The following CCDC171 variants were observed in gnomAD, a reference collection of about 807,000 sequenced individuals.
CCDC171 encodes coiled-coil domain-containing protein 171.
A neutral mutation model predicts 168.2 loss-of-function variants in CCDC171; 177 were observed. The observed-to-expected ratio is 1.05, with a 90% CI of 0.93 to 1.19. The LOEUF (loss-of-function observed/expected upper bound fraction) is 1.19. Among genes scored for constraint, CCDC171 ranks in the 50% most tolerant of loss-of-function variants. The pLI, the probability that CCDC171 is intolerant of heterozygous loss-of-function variation, is 0.00. For synonymous variants in CCDC171, 687 were observed against 540.8 expected, an observed-to-expected ratio of 1.27 and a Z score of -3.75; for missense variants, 1,991 against 1,539.0, an observed-to-expected ratio of 1.29 and a Z score of -4.91.
At chr9:15,825,991 C>G (rs1588708283) in intron 21 of CCDC171, among the ~76,000 whole-genome samples, 1 of 152,036 alleles carries the variant, frequency 6.6e-6, no homozygotes, top group South Asian at 2.1e-4. Flanking sequence ...TCTGGAACAT[C>G]TGTTAGTCTG....
intron 25 of CCDC171, among the ~76,000 whole-genome samples, chr9:15,945,423 T>C (rs1327024908): frequency 4.0e-5 from 6 of 151,180 alleles, no homozygotes; most frequent in African/African-American, 1.4e-4. Flanking sequence ...TCAGATGGTA[T>C]TTCTAGTTCT....
intron 4 of CCDC171, among the ~76,000 whole-genome samples, chr9:15,590,289 C>A (rs1272109318): frequency 6.6e-6 from 1 of 152,106 alleles, no homozygotes; most frequent in Non-Finnish European, 1.5e-5. Context: ...ATTCAAAATG[C>A]AAAGAAATAT....
chr9:16,083,460 GA>G, the CCDC171 span, among the ~76,000 whole-genome samples: 3 of 152,226 alleles, frequency 2.0e-5, no homozygotes, highest in African/African-American at 7.2e-5. Context: ...ATTTCCTCTT[GA>G]AATTGTCAAG....
intron 7 of CCDC171, among the ~76,000 whole-genome samples, chr9:15,639,055 A>G (rs974110355): frequency 6.6e-6 from 1 of 152,118 alleles, no homozygotes; most frequent in Non-Finnish European, 1.5e-5. Context: ...TCTATATTAT[A>G]GTAACATAAA....
intron 7 of CCDC171, among the ~76,000 whole-genome samples, chr9:15,647,998 A>G (rs552204409): frequency 3.9e-5 from 6 of 152,336 alleles, no homozygotes; most frequent in Non-Finnish European, 8.8e-5. Context: ...AAAATCCTCA[A>G]TAAAATACTG....
At chr9:15,700,308 G>A (rs886153870) in intron 11 of CCDC171, among the ~76,000 whole-genome samples, 1 of 152,256 alleles carries the variant, frequency 6.6e-6, no homozygotes, top group Non-Finnish European at 1.5e-5. Context: ...ATTGCCCGGG[G>A]CTGGCAGGGC....
chr9:15,747,758 A>T (rs1219551186), intron 18 of CCDC171, among the ~76,000 whole-genome samples: 1 of 152,222 alleles, frequency 6.6e-6, no homozygotes, highest in African/African-American at 2.4e-5. Context: ...CCAACATCAA[A>T]GACCAAAGAT....
Position 15,631,655 on chromosome 9 carries a change from C to G in CCDC171, c.822+8242C>G, listed in dbSNP as rs899401720. The stretch of plus-strand genomic sequence containing the variant: ...AGTCAATAGAAAAAGAGGGAATCCT[C>G]CCTAACTCATTTTATGAGGCCAGCA... On this transcript the variant is annotated intron_variant, in intron 7 of 25. Transcript: ENST00000380701. Among the ~76,000 whole-genome samples, 35 of 152,180 alleles carry G rather than the reference C, an allele frequency of 2.3e-4. 1 individual carries two copies. Among genetic ancestry groups the G allele is most frequent in the Admixed American group, 5.2e-4 (8 of 15,272 alleles).
At chr9:15,953,177 T>A (rs1242929779) in intron 25 of CCDC171, among the ~76,000 whole-genome samples, 1 of 152,212 alleles carries the variant, frequency 6.6e-6, no homozygotes, top group African/African-American at 2.4e-5. Context: ...TTTCTTTTTC[T>A]TGCCTAATTT....
intron 21 of CCDC171, among the ~76,000 whole-genome samples, chr9:15,822,986 A>C (rs201764171): frequency 1.4e-4 from 22 of 152,146 alleles, no homozygotes; most frequent in South Asian, 8.3e-4. Context: ...ACATATACAC[A>C]ATGGAATACT....
At chr9:15,708,534 A>G (rs2052418862) in intron 11 of CCDC171, among the ~76,000 whole-genome samples, 4 of 152,190 alleles carry the variant, frequency 2.6e-5, no homozygotes, top group Admixed American at 2.6e-4. Flanking sequence ...TTCTGAGGCA[A>G]TAAGAGTATT....
At chr9:15,740,069 ATCT>A (rs1394291751) in intron 16 of CCDC171, among the ~76,000 whole-genome samples, 18 of 151,992 alleles carry the variant, frequency 1.2e-4, no homozygotes, top group African/African-American at 4.3e-4. Context: ...CTGTTAATTG[ATCT>A]TCTCTTTTTA....
intron 21 of CCDC171, among the ~76,000 whole-genome samples, chr9:15,827,322 A>T (rs2060054233): frequency 6.6e-6 from 1 of 151,996 alleles, no homozygotes; most frequent in South Asian, 2.1e-4. Context: ...CTTTTAATTA[A>T]TTTCTATCTT....
intron 21 of CCDC171, among the ~76,000 whole-genome samples, chr9:15,797,156 G>A (rs960021918): frequency 1.3e-5 from 2 of 152,088 alleles, no homozygotes; most frequent in Admixed American, 6.5e-5. Flanking sequence ...ATCTTCTAGT[G>A]TACTTAGTCA....
the CCDC171 span, among the ~76,000 whole-genome samples, chr9:16,101,753 A>G: frequency 6.6e-6 from 1 of 152,228 alleles, no homozygotes; most frequent in Non-Finnish European, 1.5e-5. Flanking sequence ...GTCAGCCCCT[A>G]GGAGCTAAGA....
chr9:15,959,091 C>A lies in CCDC171; in HGVS notation c.3754-12518C>A, dbSNP rs371951038. ...GACCGAAGGTGCCTGAGGCCACTTA[C>A]ACACACTTGCTATCTAGGAGAGATG... On this transcript the variant is annotated intron_variant, in intron 25 of 25. Transcript: ENST00000380701. Among the ~76,000 whole-genome samples the A allele has an allele frequency of 1.7e-4, 26 of 152,272 alleles. No individual in the cohort carries two copies. The East Asian group carries it at 4.6e-3, about 27-fold the overall frequency.
intron 3 of CCDC171, among the ~76,000 whole-genome samples, chr9:15,985,403 G>A (rs1042164698): frequency 2.0e-5 from 3 of 152,182 alleles, no homozygotes; most frequent in Non-Finnish European, 2.9e-5. Flanking sequence ...TAAGTCAGCA[G>A]CAGTATCATC....
At chr9:15,928,234 C>T (rs1171475136) in intron 25 of CCDC171, among the ~76,000 whole-genome samples, 6 of 151,618 alleles carry the variant, frequency 4.0e-5, no homozygotes, top group East Asian at 1.9e-4. Context: ...AAAGTACAAG[C>T]GTAGGGTGCT....
intron 9 of CCDC171, among the ~76,000 whole-genome samples, chr9:15,667,396 A>C (rs1049938613): frequency 1.3e-4 from 20 of 152,224 alleles, no homozygotes; most frequent in Non-Finnish European, 2.5e-4. Flanking sequence ...CTGTAATCCC[A>C]GCACTTTGGG....
Sources: allele counts gnomAD v4.1 joint callset (sites outside exome capture counted in the v4.1 genomes callset), GRCh38; gene constraint gnomAD v4.1.1; transcripts MANE v1.5; gene names NCBI Gene and HGNC (gene_info 2026-07-23, HGNC 2026-07-21).